Variants in TTC39B observed in about 807,000 individuals in gnomAD.
TTC39B encodes the protein tetratricopeptide repeat protein 39B.
In TTC39B, 92 loss-of-function variants were observed where a neutral mutation model predicts 96.6. That is an observed-to-expected ratio of 0.95 (90% CI 0.80 to 1.13). The LOEUF is 1.13. Ranked by LOEUF, TTC39B falls within the 50% of genes most tolerant of loss-of-function variation. The probability of loss-of-function intolerance (pLI) is 0.00; values close to 1 mark genes in which losing one functional copy is unlikely to be tolerated. For missense variants in TTC39B, 955 were observed against 809.3 expected, an observed-to-expected ratio of 1.18 and a Z score of -2.18; for synonymous variants, 367 against 299.4, an observed-to-expected ratio of 1.23 and a Z score of -2.33.
chr9:15,198,624 A>T (rs1459067010), intron 8 of TTC39B, among the ~76,000 whole-genome samples: 1 of 151,934 alleles, frequency 6.6e-6, no homozygotes, highest in East Asian at 1.9e-4. Context: ...CAACCACAAA[A>T]AAATTAGACT....
At chr9:15,185,203 C>A in intron 16 of TTC39B, 77 bp downstream of exon 16, 1 of 1,493,362 alleles carries the variant, frequency 6.7e-7, no homozygotes, top group South Asian at 1.4e-5. Flanking sequence ...ACTTCATAAC[C>A]AAATTTAGAT....
At chr9:15,245,337 A>C (rs1337579022) in intron 2 of TTC39B, among the ~76,000 whole-genome samples, 1 of 152,198 alleles carries the variant, frequency 6.6e-6, no homozygotes, top group African/African-American at 2.4e-5. Flanking sequence ...AAAACAAACA[A>C]AACTGAAGAA....
intron 2 of TTC39B, among the ~76,000 whole-genome samples, chr9:15,251,649 C>G (rs1336122976): frequency 1.4e-5 from 2 of 146,172 alleles, no homozygotes; most frequent in South Asian, 2.2e-4. Context: ...TTTTCTTCCT[C>G]TCTATATATA....
intron 2 of TTC39B, among the ~76,000 whole-genome samples, chr9:15,245,341 TGAA>T (rs1021137983): frequency 1.3e-5 from 2 of 152,190 alleles, no homozygotes; most frequent in Non-Finnish European, 2.9e-5. Context: ...CAAACAAAAC[TGAA>T]GAAGGAGCAT....
chr9:15,199,628 G>A (rs868203414), intron 8 of TTC39B, among the ~76,000 whole-genome samples: 6 of 150,036 alleles, frequency 4.0e-5, no homozygotes, highest in South Asian at 2.1e-4. Flanking sequence ...CCAGCTACTC[G>A]GGAGGATGAG....
intron 12 of TTC39B, 36 bp from the exon 13 acceptor site, chr9:15,189,669 T>A: frequency 6.2e-7 from 1 of 1,614,036 alleles, no homozygotes; most frequent in Non-Finnish European, 8.5e-7. Context: ...TGTTCAACAG[T>A]CAACACTGGC....
intron 8 of TTC39B, among the ~76,000 whole-genome samples, chr9:15,196,433 A>G (rs1465384905): frequency 1.3e-5 from 2 of 152,230 alleles, no homozygotes; most frequent in Admixed American, 6.5e-5. Flanking sequence ...CAAAATGTCC[A>G]CATTAACAGG....
At chr9:15,178,346 G>A (rs1818070223) in intron 17 of TTC39B, among the ~76,000 whole-genome samples, 1 of 152,122 alleles carries the variant, frequency 6.6e-6, no homozygotes, top group Non-Finnish European at 1.5e-5. Context: ...GCCAAGGTGG[G>A]AAGCTCACTT....
chr9:15,284,326 G>A (rs1276395307), intron 1 of TTC39B, among the ~76,000 whole-genome samples: 2 of 152,130 alleles, frequency 1.3e-5, no homozygotes, highest in South Asian at 2.1e-4. Context: ...CCGTTTTGCA[G>A]GACCTATTAA....
intron 2 of TTC39B, among the ~76,000 whole-genome samples, chr9:15,243,854 G>C (rs1431008977): frequency 6.6e-6 from 1 of 152,220 alleles, no homozygotes; most frequent in Non-Finnish European, 1.5e-5. Flanking sequence ...GCAGTGGGCA[G>C]CACTGTGAAG....
chr9:15,239,137 G>C (rs1821920860), intron 2 of TTC39B, among the ~76,000 whole-genome samples: 1 of 151,500 alleles, frequency 6.6e-6, no homozygotes, highest in South Asian at 2.1e-4. Context: ...AATAATACAA[G>C]AGGCCAACAA....
intron 8 of TTC39B, among the ~76,000 whole-genome samples, chr9:15,198,025 T>G (rs545835787): frequency 6.6e-6 from 1 of 152,286 alleles, no homozygotes; most frequent in South Asian, 2.1e-4. Context: ...GGAAATATAT[T>G]TACCATTTTG....
intron 7 of TTC39B, 105 bp downstream of exon 7, chr9:15,203,718 C>CTT (rs1819677994): frequency 1.0e-5 from 9 of 901,880 alleles, no homozygotes; most frequent in African/African-American, 1.7e-5. Flanking sequence ...CATTACAACT[C>CTT]TAAGTCAAAA....
chr9:15,215,727 G>C (rs1820478076), intron 3 of TTC39B, among the ~76,000 whole-genome samples: 1 of 151,596 alleles, frequency 6.6e-6, no homozygotes, highest in African/African-American at 2.4e-5. Context: ...GCTGGGTGTG[G>C]TGGTGCATTC....
intron 1 of TTC39B, among the ~76,000 whole-genome samples, chr9:15,299,621 C>G (rs1824508594): frequency 6.6e-6 from 1 of 152,176 alleles, no homozygotes; most frequent in Admixed American, 6.5e-5. Flanking sequence ...AAAGCACCCA[C>G]AGGAGTCCCC....
chr9:15,225,598 T>A (rs1168889932), intron 3 of TTC39B, among the ~76,000 whole-genome samples: 1 of 152,166 alleles, frequency 6.6e-6, no homozygotes, highest in Non-Finnish European at 1.5e-5. Context: ...CCCCAATGTT[T>A]GGCAGTGTGA....
intron 9 of TTC39B, 77 bp downstream of exon 9, chr9:15,192,513 C>T (rs1818913178): frequency 8.8e-7 from 1 of 1,137,256 alleles, no homozygotes; most frequent in African/African-American, 1.5e-5. Context: ...GGATGAGGTT[C>T]AAATGCAGTG....
intron 6 of TTC39B, among the ~76,000 whole-genome samples, chr9:15,204,348 CA>C (rs745842440): frequency 4.8e-4 from 73 of 151,948 alleles, no homozygotes; most frequent in Non-Finnish European, 9.3e-4. Context: ...GACCAACAGG[CA>C]GAAACCCCAT....
intron 2 of TTC39B, among the ~76,000 whole-genome samples, chr9:15,259,931 G>A (rs10961943): frequency 3.3e-4 from 51 of 152,260 alleles, no homozygotes; most frequent in Non-Finnish European, 5.9e-4. Flanking sequence ...GGATGCCCCA[G>A]CTAAGAGTGG....
Sources: gnomAD v4.1 joint callset for allele counts (sites outside exome capture counted in the v4.1 genomes callset) on GRCh38, gnomAD v4.1.1 for gene constraint, MANE v1.5 for transcripts, NCBI Gene and HGNC (gene_info 2026-07-23, HGNC 2026-07-21) for gene names.